Variants in CHM observed in about 807,000 individuals in gnomAD.
The protein encoded by CHM is rab proteins geranylgeranyltransferase component A 1.
Under a neutral mutation model 49.0 loss-of-function variants are expected in CHM, and 10 were observed. The ratio of observed to expected loss-of-function variants is 0.20; its 90% CI spans 0.13 to 0.35. CHM has a LOEUF of 0.35. CHM is among the 10% of genes least tolerant of loss of function. The pLI, the probability that CHM is intolerant of heterozygous loss-of-function variation, is 1.00. For missense variants in CHM, 455 were observed against 478.4 expected (o/e 0.95, Z 0.46); for synonymous variants, 184 against 167.5 (o/e 1.10, Z -0.76).
At chrX:85,924,138 A>T (rs905690981) in intron 8 of CHM, among the ~76,000 whole-genome samples, 2 of 111,153 alleles carry the variant, frequency 1.8e-5, no homozygotes, top group Non-Finnish European at 3.8e-5. Flanking sequence ...ACATGATCAG[A>T]TTTGTATTAT....
intron 2 of CHM, among the ~76,000 whole-genome samples, chrX:86,022,503 A>G (rs1249416664): frequency 9.0e-6 from 1 of 111,064 alleles, no homozygotes; most frequent in Non-Finnish European, 1.9e-5. Flanking sequence ...TTTTCTTCTC[A>G]ACCTCTGATT....
chrX:85,978,686 T>A, intron 4 of CHM, 81 bp downstream of exon 4: 6 of 1,036,198 alleles, frequency 5.8e-6, no homozygotes, highest in Non-Finnish European at 8.0e-6. Context: ...CAATGCCACA[T>A]AAATCTTTAT....
In CHM at chrX:85,894,263, C is replaced by A; in HGVS notation, c.1435G>T (p.Ala479Ser). Residue 479 changes from alanine (A) to serine (S), a missense_variant, in exon 12 of 15, where the codon GCA becomes TCA. Ala to Ser is a moderately conservative substitution (Grantham distance 99). Coordinates refer to ENST00000357749, the MANE Select transcript of CHM (RefSeq NM_000390.4). Reference sequence around the variant, plus strand: ...ACAGCAAAAGTTCCTGGTTCCTCTGCTGGCACTGTCAAAATGGAAATCTAA... The same window carrying A: ...ACAGCAAAAGTTCCTGGTTCCTCTGATGGCACTGTCAAAATGGAAATCTAA... ...DQQISILTVP[A>S]EEPGTFAVRV... 8.3e-7 allele frequency: 1 copy of A among 1,208,300 alleles called. No individual in the cohort carries two copies. The highest frequency in any genetic ancestry group is 1.1e-6 in the Non-Finnish European group (1 of 892,682).
At position 85,889,087 on chromosome X, in the gene CHM, T is replaced by C. The variant is rs181430542; in HGVS notation, c.1510+5101A>G. ...CCAAATTATCAACAGTGAACATGAA[T>C]TATTAGACTGGGGATATTAAAATAT... On this transcript the variant is annotated intron_variant, in intron 12 of 14. Transcript: ENST00000357749. Among the ~76,000 whole-genome samples the C allele has an allele frequency of 3.6e-5, 4 of 111,910 alleles. No homozygotes were observed. In the East Asian group the frequency reaches 1.1e-3, roughly 31 times the overall value.
intron 1 of CHM, among the ~76,000 whole-genome samples, chrX:86,028,640 T>C (rs1933932945): frequency 1.8e-5 from 2 of 112,110 alleles, no homozygotes; most frequent in Non-Finnish European, 3.8e-5. Flanking sequence ...TTTTAAAAAT[T>C]CAAGTTTTCT....
chrX:85,871,325 A>G (rs896082554), intron 14 of CHM, among the ~76,000 whole-genome samples: 1 of 105,065 alleles, frequency 9.5e-6, no homozygotes, highest in African/African-American at 3.5e-5. Context: ...AAAAAAAAGA[A>G]GAAATCTGCA....
chrX:85,947,242 T>C (rs918554412), intron 8 of CHM, among the ~76,000 whole-genome samples: 3 of 111,920 alleles, frequency 2.7e-5, no homozygotes, highest in African/African-American at 9.8e-5. Context: ...AGTTTGTACA[T>C]TTGTCCCTAC....
intron 8 of CHM, among the ~76,000 whole-genome samples, chrX:85,950,944 A>G (rs912777747): frequency 8.9e-6 from 1 of 112,111 alleles, no homozygotes; most frequent in Non-Finnish European, 1.9e-5. Context: ...TGAACTTTTC[A>G]GTGGCAAAAA....
chrX:86,005,285 G>A (rs183089255), intron 2 of CHM, among the ~76,000 whole-genome samples: 251 of 112,120 alleles, frequency 2.2e-3, no homozygotes, highest in African/African-American at 7.9e-3. Context: ...GAAATTTATA[G>A]CACTAAATGC....
intron 1 of CHM, among the ~76,000 whole-genome samples, chrX:86,029,020 C>G (rs1306138994): frequency 8.9e-6 from 1 of 112,128 alleles, no homozygotes; most frequent in East Asian, 2.8e-4. Flanking sequence ...CAAGCTCCAG[C>G]CTGCCTTCAC....
rs886231241 is a variant in CHM, at chrX:85,871,800, T to G, written c.1770+1252A>C. Reference sequence around the variant, plus strand: ...GTATTATAAGCCCTTACTTAAATTTTTTTGGTTAAAAAATATTAAAAGTTC... The same window carrying G: ...GTATTATAAGCCCTTACTTAAATTTGTTTGGTTAAAAAATATTAAAAGTTC... On this transcript the variant is annotated intron_variant, in intron 14 of 14. Transcript: ENST00000357749. Among the ~76,000 whole-genome samples, 12 of 111,865 alleles carry G rather than the reference T, an allele frequency of 1.1e-4. 1 individual carries two copies. The highest frequency in any genetic ancestry group is 2.3e-4 in the Non-Finnish European group (12 of 53,190).
At chrX:85,871,376 T>A (rs1173278554) in intron 14 of CHM, among the ~76,000 whole-genome samples, 1 of 107,675 alleles carries the variant, frequency 9.3e-6, no homozygotes, top group African/African-American at 3.4e-5. Flanking sequence ...TAGGTGATAT[T>A]CTGAGAGCTT....
rs151071654 is a variant in CHM, at chrX:85,938,425, T to G, written c.1166+17728A>C. On this transcript the variant is annotated intron_variant, in intron 8 of 14. Transcript: ENST00000357749. ...ATTCCATAGTTTATAAGAATTCTAT[T>G]CAAACAGCAACCTTCAAACTTTTGG... Among the ~76,000 whole-genome samples the G allele has an allele frequency of 5.4e-3, 600 of 111,611 alleles. 1 individual carries two copies. The highest frequency in any genetic ancestry group is 0.019 in the Middle Eastern group (4 of 215).
chrX:86,017,612 G>GT (rs1315920650), intron 2 of CHM, among the ~76,000 whole-genome samples: 45 of 111,602 alleles, frequency 4.0e-4, no homozygotes, highest in African/African-American at 1.4e-3. Context: ...ATGCGGAACT[G>GT]TAAGTCCAAT....
At chrX:85,981,867 T>C (rs1931640001) in intron 2 of CHM, 58 bp from the exon 3 acceptor site, 1 of 891,804 alleles carries the variant, frequency 1.1e-6, no homozygotes, top group Admixed American at 3.0e-5. Flanking sequence ...ATCAATTCAC[T>C]GATCTTCATC....
chrX:86,043,984 A>T (rs1934572095), intron 1 of CHM, among the ~76,000 whole-genome samples: 1 of 112,039 alleles, frequency 8.9e-6, no homozygotes, highest in African/African-American at 3.2e-5. Context: ...ATCTTAGGGG[A>T]AGAACTCCAA....
intron 8 of CHM, among the ~76,000 whole-genome samples, chrX:85,916,575 A>G (rs1488687420): frequency 8.9e-6 from 1 of 112,061 alleles, no homozygotes; most frequent in Non-Finnish European, 1.9e-5. Flanking sequence ...TCCAGCATCT[A>G]TAAGGAACTT....
At chrX:86,030,262 C>T (rs1463616678) in intron 1 of CHM, among the ~76,000 whole-genome samples, 1 of 112,599 alleles carries the variant, frequency 8.9e-6, no homozygotes, top group Non-Finnish European at 1.9e-5. Context: ...TCCATCCAAA[C>T]ATTCCCATAA....
intron 9 of CHM, among the ~76,000 whole-genome samples, chrX:85,902,548 T>G (rs1452979676): frequency 9.0e-6 from 1 of 111,571 alleles, no homozygotes; most frequent in Non-Finnish European, 1.9e-5. Context: ...TTTTTCCATC[T>G]CATCTCCACC....
Sources: gnomAD v4.1 joint callset for allele counts (sites outside exome capture counted in the v4.1 genomes callset) on GRCh38, gnomAD v4.1.1 for gene constraint, MANE v1.5 for transcripts, NCBI Gene and HGNC (gene_info 2026-07-23, HGNC 2026-07-21) for gene names.